Variants in REDIC1 observed in about 807,000 individuals in gnomAD.
REDIC1 encodes HEI10 Interacting Protein 1.
the REDIC1 span, among the ~76,000 whole-genome samples, chr12:39,669,159 C>A: frequency 6.6e-6 from 1 of 152,098 alleles, no homozygotes; most frequent in African/African-American, 2.4e-5. Context: ...TTTTTCTGCT[C>A]CGTTTTTTCC....
chr12:39,677,897 T>C, the REDIC1 span, among the ~76,000 whole-genome samples: 1 of 152,026 alleles, frequency 6.6e-6, no homozygotes, highest in Non-Finnish European at 1.5e-5. Flanking sequence ...AACTGAACAG[T>C]TGTAGTGACA....
the REDIC1 span, among the ~76,000 whole-genome samples, chr12:39,739,483 G>A: frequency 3.9e-5 from 6 of 152,108 alleles, no homozygotes; most frequent in East Asian, 1.2e-3. Flanking sequence ...AAAACTCATG[G>A]TCTAATAGGA....
the REDIC1 span, among the ~76,000 whole-genome samples, chr12:39,798,662 C>T: frequency 3.3e-5 from 5 of 152,156 alleles, no homozygotes; most frequent in Admixed American, 1.3e-4. Context: ...TGGAACAGCC[C>T]GGGCTAGTGC....
chr12:39,904,958 G>T, the REDIC1 span, among the ~76,000 whole-genome samples: 4 of 151,958 alleles, frequency 2.6e-5, no homozygotes, highest in Non-Finnish European at 4.4e-5. Context: ...TGATACAGAC[G>T]TGCAGGCAAA....
At chr12:39,646,257 G>A in the REDIC1 span, 1 of 454,478 alleles carries the variant, frequency 2.2e-6, no homozygotes, top group East Asian at 4.5e-5. Flanking sequence ...TAATGAACAT[G>A]ATTTATTAAA....
At chr12:39,811,753 A>G in the REDIC1 span, among the ~76,000 whole-genome samples, 1 of 152,108 alleles carries the variant, frequency 6.6e-6, no homozygotes, top group African/African-American at 2.4e-5. Context: ...CTTAATCTGG[A>G]GTCTTTGTCA....
the REDIC1 span, among the ~76,000 whole-genome samples, chr12:39,636,639 A>G: frequency 6.6e-6 from 1 of 152,142 alleles, no homozygotes; most frequent in African/African-American, 2.4e-5. Flanking sequence ...TCCACTTTTC[A>G]TCAAATTTAA....
chr12:39,864,782 G>A, the REDIC1 span: 14 of 1,613,954 alleles, frequency 8.7e-6, no homozygotes, highest in East Asian at 6.7e-5. Context: ...TGCAAGTGGC[G>A]TTCTGACCTG....
chr12:39,770,828 T>G, the REDIC1 span, among the ~76,000 whole-genome samples: 8 of 152,280 alleles, frequency 5.3e-5, no homozygotes, highest in African/African-American at 1.9e-4. Context: ...CCTTTATACT[T>G]TTAAGTCCAA....
At chr12:39,646,924 G>A in the REDIC1 span, 4 of 1,418,102 alleles carry the variant, frequency 2.8e-6, no homozygotes, top group Non-Finnish European at 3.9e-6. Flanking sequence ...GGTTATTTCA[G>A]CAATTGTGAT....
the REDIC1 span, among the ~76,000 whole-genome samples, chr12:39,896,224 A>G: frequency 1.7e-3 from 246 of 143,966 alleles, 2 homozygotes; most frequent in Non-Finnish European, 2.9e-3. Flanking sequence ...ACGTATACAT[A>G]TATGCATATG....
chr12:39,744,262 A>T, the REDIC1 span, among the ~76,000 whole-genome samples: 1 of 152,234 alleles, frequency 6.6e-6, no homozygotes, highest in South Asian at 2.1e-4. Flanking sequence ...GAAATAAAGG[A>T]CTTTTTCAGA....
chr12:39,807,303 C>G, the REDIC1 span, among the ~76,000 whole-genome samples: 38 of 152,192 alleles, frequency 2.5e-4, no homozygotes, highest in Admixed American at 2.4e-3. Context: ...ACACACAAGC[C>G]TACATATGAT....
chr12:39,640,222 C>G, the REDIC1 span, among the ~76,000 whole-genome samples: 1 of 151,682 alleles, frequency 6.6e-6, no homozygotes, highest in African/African-American at 2.4e-5. Context: ...GATTCATACC[C>G]TTGTGAAAGA....
At chr12:39,711,779 ATGTG>A in the REDIC1 span, among the ~76,000 whole-genome samples, 7 of 133,608 alleles carry the variant, frequency 5.2e-5, no homozygotes, top group African/African-American at 1.4e-4. Context: ...GTGCACATGC[ATGTG>A]TATGTGTGTG....
the REDIC1 span, among the ~76,000 whole-genome samples, chr12:39,711,296 T>C: frequency 6.7e-6 from 1 of 149,086 alleles, no homozygotes; most frequent in Admixed American, 6.8e-5. Flanking sequence ...AGTGTATATA[T>C]AACATATATG....
chr12:39,780,417 A>G, the REDIC1 span, among the ~76,000 whole-genome samples: 1 of 152,194 alleles, frequency 6.6e-6, no homozygotes, highest in Non-Finnish European at 1.5e-5. Flanking sequence ...CTAAGTTAGC[A>G]TTCTTTTTAA....
chr12:39,775,651 G>A, the REDIC1 span, among the ~76,000 whole-genome samples: 148 of 152,322 alleles, frequency 9.7e-4, 2 homozygotes, highest in African/African-American at 3.3e-3. Context: ...AAACAAACAA[G>A]ATGTCACAAA....
chr12:39,833,708 C>T, the REDIC1 span, among the ~76,000 whole-genome samples: 1 of 151,906 alleles, frequency 6.6e-6, no homozygotes, highest in African/African-American at 2.4e-5. Flanking sequence ...TTTTCCTGTC[C>T]CCAATAATAG....
Sources: gnomAD v4.1 joint callset for allele counts (sites outside exome capture counted in the v4.1 genomes callset) on GRCh38, gnomAD v4.1.1 for gene constraint, MANE v1.5 for transcripts, NCBI Gene and HGNC (gene_info 2026-07-23, HGNC 2026-07-21) for gene names.